Variants in ANKMY2 observed in about 807,000 individuals in gnomAD.
ANKMY2 encodes ankyrin repeat and MYND domain-containing protein 2.
Under a neutral mutation model 50.4 loss-of-function variants are expected in ANKMY2, and 36 were observed. The ratio of observed to expected loss-of-function variants is 0.71; its 90% confidence interval spans 0.55 to 0.94. The LOEUF (loss-of-function observed/expected upper bound fraction) is 0.94. Among genes scored for constraint, ANKMY2 ranks in the 40% least tolerant of loss-of-function variants. The pLI, the probability that ANKMY2 is intolerant of heterozygous loss-of-function variation, is 0.00. For synonymous variants in ANKMY2, 187 were observed against 178.8 expected (o/e 1.05, Z -0.36); for missense variants, 565 against 524.0 (o/e 1.08, Z -0.76).
intron 7 of ANKMY2, among the ~76,000 whole-genome samples, chr7:16,608,104 A>G (rs1224380159): frequency 6.6e-6 from 1 of 152,200 alleles, no homozygotes; most frequent in Non-Finnish European, 1.5e-5. Context: ...TGGAAGGGAA[A>G]GATGAGAAAG....
At chr7:16,617,763 G>A (rs369012052) in intron 4 of ANKMY2, among the ~76,000 whole-genome samples, 2 of 152,084 alleles carry the variant, frequency 1.3e-5, no homozygotes, top group East Asian at 3.9e-4. Context: ...CCCAGGAGGT[G>A]CAGACCAGCC....
chr7:16,623,769 T>C (rs1366279781), intron 4 of ANKMY2, among the ~76,000 whole-genome samples: 1 of 152,138 alleles, frequency 6.6e-6, no homozygotes, highest in Admixed American at 6.6e-5. Context: ...GGAGTTAAAA[T>C]ATTTCTCCGA....
chr7:16,624,117 A>G (rs17169563), intron 4 of ANKMY2, among the ~76,000 whole-genome samples: 1 of 152,024 alleles, frequency 6.6e-6, no homozygotes, highest in Non-Finnish European at 1.5e-5. Flanking sequence ...TTAAGTGCCA[A>G]GAAAGTATGA....
chr7:16,609,825 G>A, intron 6 of ANKMY2, 60 bp from the exon 7 acceptor site: 1 of 1,561,044 alleles, frequency 6.4e-7, no homozygotes, highest in Non-Finnish European at 8.7e-7. Flanking sequence ...TCTCCTAGTT[G>A]AACCCAACAG....
At chr7:16,601,692 G>GC (rs1781065710) in intron 9 of ANKMY2, among the ~76,000 whole-genome samples, 1 of 152,140 alleles carries the variant, frequency 6.6e-6, no homozygotes, top group South Asian at 2.1e-4. Context: ...AATAACCGAG[G>GC]CATCTTTTTC....
intron 6 of ANKMY2, 26 bp downstream of exon 6, chr7:16,610,523 T>C (rs201631834): frequency 2.6e-6 from 4 of 1,556,214 alleles, no homozygotes; most frequent in Non-Finnish European, 3.5e-6. Flanking sequence ...GAGTGTATTT[T>C]ATAAACGACA....
At chr7:16,620,021 G>A (rs1329122021) in intron 4 of ANKMY2, among the ~76,000 whole-genome samples, 6 of 152,190 alleles carry the variant, frequency 3.9e-5, no homozygotes, top group Non-Finnish European at 8.8e-5. Context: ...ACTCTGATAT[G>A]AGTCAGAAAG....
chr7:16,636,705 T>C (rs533066316), intron 1 of ANKMY2, among the ~76,000 whole-genome samples: 3 of 152,174 alleles, frequency 2.0e-5, no homozygotes, highest in African/African-American at 4.8e-5. Context: ...GTATATTACA[T>C]TGGCCACATT....
intron 4 of ANKMY2, among the ~76,000 whole-genome samples, chr7:16,619,279 G>A (rs542565449): frequency 2.0e-5 from 3 of 151,414 alleles, no homozygotes; most frequent in Admixed American, 1.3e-4. Flanking sequence ...TCAGCCTCCC[G>A]AGTAGCTGGG....
intron 7 of ANKMY2, among the ~76,000 whole-genome samples, chr7:16,605,372 A>G (rs1781137388): frequency 6.6e-6 from 1 of 152,230 alleles, no homozygotes; most frequent in African/African-American, 2.4e-5. Context: ...TATAATTGGT[A>G]TGTTCCAAAT....
intron 3 of ANKMY2, 98 bp downstream of exon 3, chr7:16,626,942 A>C (rs1202762920): frequency 2.7e-6 from 3 of 1,093,450 alleles, no homozygotes; most frequent in Non-Finnish European, 3.6e-6. Flanking sequence ...ACTTGACCAT[A>C]AAATTACTAA....
intron 4 of ANKMY2, among the ~76,000 whole-genome samples, chr7:16,617,987 A>G (rs58069953): frequency 0.22 from 31,643 of 143,492 alleles, 4,026 homozygotes; most frequent in Middle Eastern, 0.33. Flanking sequence ...TAGTGCAGTC[A>G]CGTGATCTTG....
chr7:16,645,754 C>G lies in ANKMY2; in HGVS notation c.-181G>C, dbSNP rs564044795. The G allele has an allele frequency of 9.5e-6, 6 of 628,670 alleles. No individual in the cohort carries two copies. The highest frequency in any genetic ancestry group is 2.4e-5 in the South Asian group (1 of 40,908). The allele number at this position is 628,670 out of a possible 1,614,324, so 38.9% of individuals were successfully genotyped here. A position where few individuals can be genotyped will look rare whatever the true frequency, so the allele number is the denominator to read the frequency against. On this transcript the variant is annotated 5_prime_UTR_variant, in exon 1 of 10. Transcript: ENST00000306999. ...CGGGCTGGCGGACAGCGGGCGAGCT[C>G]GGGCGAGCCAGGCGGACGGTCTCCG...
chr7:16,623,072 T>C (rs1781462916), intron 4 of ANKMY2, among the ~76,000 whole-genome samples: 1 of 152,158 alleles, frequency 6.6e-6, no homozygotes, highest in Non-Finnish European at 1.5e-5. Context: ...CATGATGTAT[T>C]AGTAAGTGAA....
In ANKMY2 at chr7:16,614,872, T is replaced by G. The variant is rs575154191; in HGVS notation, c.531+872A>C. Among the ~76,000 whole-genome samples, 3 of 152,334 alleles carry G rather than the reference T, an allele frequency of 2.0e-5. No homozygotes were observed. In the South Asian group the frequency reaches 6.2e-4, roughly 32 times the overall value. On this transcript the variant is annotated intron_variant, in intron 5 of 9. Transcript: ENST00000306999. ...AAAAGCATGTGATAGATACTGAAAT[T>G]GAAATAGGACCTCATCACTGTAGCA...
At chr7:16,609,438 G>GT (rs1781210310) in intron 7 of ANKMY2, among the ~76,000 whole-genome samples, 192 bp downstream of exon 7, 1 of 152,174 alleles carries the variant, frequency 6.6e-6, no homozygotes, top group South Asian at 2.1e-4. Context: ...CCATAATAAG[G>GT]TAAGAAGAGG....
intron 4 of ANKMY2, 148 bp from the exon 5 acceptor site, chr7:16,616,052 G>C: frequency 1.4e-6 from 1 of 731,486 alleles, no homozygotes; most frequent in Non-Finnish European, 2.2e-6. Flanking sequence ...AGGAGGAGGA[G>C]AGATAAAATA....
In ANKMY2 at chr7:16,615,689, T is replaced by A. The variant is rs113255968; in HGVS notation, c.531+55A>T. 1.1e-5 allele frequency: 18 copies of A among 1,608,540 alleles called. No individual in the cohort carries two copies. The African/African-American group carries it at 1.2e-4, about 11-fold the overall frequency. On this transcript the variant is annotated intron_variant, in intron 5 of 9. Transcript: ENST00000306999. ...TATGATCCTGTATAATAAAAGCAGT[T>A]TAAACTCTGAAGCAATATTTACATA...
intron 2 of ANKMY2, among the ~76,000 whole-genome samples, chr7:16,631,428 TTGAG>T (rs1240125404): frequency 6.6e-6 from 1 of 152,172 alleles, no homozygotes; most frequent in African/African-American, 2.4e-5. Context: ...AATAAATGAG[TTGAG>T]TATCTTCCCA....
Sources: gnomAD v4.1 joint callset for allele counts (sites outside exome capture counted in the v4.1 genomes callset) on GRCh38, gnomAD v4.1.1 for gene constraint, MANE v1.5 for transcripts, NCBI Gene and HGNC (gene_info 2026-07-23, HGNC 2026-07-21) for gene names.